The following CACNA1C variants were observed in gnomAD, a reference collection of about 807,000 sequenced individuals.
CACNA1C encodes voltage-dependent L-type calcium channel subunit alpha-1C.
Under a neutral mutation model 229.0 loss-of-function variants are expected in CACNA1C, and 30 were observed. The observed-to-expected ratio is 0.13, with a 90% CI of 0.10 to 0.18. The LOEUF (loss-of-function observed/expected upper bound fraction) is 0.18, where lower values mean the gene tolerates loss of function less well. Ranked by LOEUF, CACNA1C falls within the 10% of genes least tolerant of loss-of-function variation. The probability of loss-of-function intolerance (pLI) is 1.00; values close to 1 mark genes in which losing one functional copy is unlikely to be tolerated. For synonymous variants in CACNA1C, 1,114 were observed against 1,132.5 expected, an observed-to-expected ratio of 0.98 and a Z score of 0.33; for missense variants, 1,658 against 2,845.0, an observed-to-expected ratio of 0.58 and a Z score of 9.49.
chr12:2,326,540 G>T (rs2239047), intron 3 of CACNA1C, among the ~76,000 whole-genome samples: 106,094 of 152,008 alleles, frequency 0.7, 37,245 homozygotes, highest in African/African-American at 0.74. Flanking sequence ...TATCTCATTA[G>T]AGGGGCTGCC....
At position 2,605,708 on chromosome 12, in the gene CACNA1C, C is replaced by T; in HGVS notation, c.3078C>T (p.Ile1026=). ...KHVVQCVFVA[I]RTIGNIVIVT... is the part of the protein sequence containing the mutation. ...TGGTTCAGTGTGTGTTTGTCGCCATCCGGACCATCGGGAACATCGTGATTG... is the reference window on the plus strand; with the variant it reads ...TGGTTCAGTGTGTGTTTGTCGCCATTCGGACCATCGGGAACATCGTGATTG... The change falls in exon 24 of 47, where the codon ATC becomes ATT. Residue 1026 remains isoleucine (I), a synonymous_variant. Transcript: ENST00000399655. The surrounding 1 kb of genome is among the most constrained non-coding windows in gnomAD (Gnocchi z 6.2). The T allele has an allele frequency of 1.2e-6, 2 of 1,613,960 alleles. No individual in the cohort carries two copies. The highest frequency in any genetic ancestry group is 1.7e-6 in the Non-Finnish European group (2 of 1,179,856).
At position 2,581,746 on chromosome 12, in the gene CACNA1C, C is replaced by A. The variant is rs368514859; in HGVS notation, c.2052C>A (p.Thr684=). The change falls in exon 14 of 47, where the codon ACC becomes ACA. Residue 684 remains threonine, a synonymous_variant. Coordinates refer to ENST00000399655, the MANE Select transcript of CACNA1C (RefSeq NM_000719.7). ...AGTTCAACTTTGATGAGATGCAGAC[C>A]CGGAGGAGCACATTCGATAACTTCC... is the stretch of plus-strand genomic sequence containing the variant. ...GGKFNFDEMQ[T]RRSTFDNFPQ... is the part of the protein sequence containing the mutation. The A allele has an allele frequency of 2.5e-6, 4 of 1,613,152 alleles. No homozygotes were observed. The highest frequency in any genetic ancestry group is 3.4e-6 in the Non-Finnish European group (4 of 1,179,556).
At chr12:2,405,625 A>G (rs1161580935) in intron 3 of CACNA1C, among the ~76,000 whole-genome samples, 1 of 152,204 alleles carries the variant, frequency 6.6e-6, no homozygotes, top group Non-Finnish European at 1.5e-5. Context: ...GTATTACATT[A>G]TATATACATA....
chr12:2,268,666 C>T (rs1229546574), intron 3 of CACNA1C, among the ~76,000 whole-genome samples: 2 of 152,044 alleles, frequency 1.3e-5, no homozygotes, highest in Admixed American at 1.3e-4. Context: ...GACCCCTGAG[C>T]CTGGGAGCAT....
intron 13 of CACNA1C, 64 bp downstream of exon 13, chr12:2,567,858 G>T (rs1374471772): frequency 1.9e-6 from 2 of 1,036,896 alleles, no homozygotes; most frequent in Non-Finnish European, 2.9e-6. Flanking sequence ...AGAGGGCAAG[G>T]GAGGTGGCAA....
intron 3 of CACNA1C, among the ~76,000 whole-genome samples, chr12:2,187,919 G>T (rs1407250278): frequency 6.6e-6 from 1 of 152,258 alleles, no homozygotes; most frequent in Non-Finnish European, 1.5e-5. Flanking sequence ...TGAGGGCGAG[G>T]AGGATGCCAG....
chr12:2,632,983 C>T lies in CACNA1C; in HGVS notation c.3829-1314C>T, dbSNP rs2153564919. ...GGCACCCAGTGCAGGAACTAGGGTACCCTGATTTGATCTGCAAGAGTTGCA... is the reference window on the plus strand; with the variant it reads ...GGCACCCAGTGCAGGAACTAGGGTATCCTGATTTGATCTGCAAGAGTTGCA... On this transcript the variant is annotated intron_variant, in intron 29 of 46. Coordinates refer to ENST00000399655, the MANE Select transcript of CACNA1C (RefSeq NM_000719.7). The surrounding 1 kb of genome is among the most constrained non-coding windows in gnomAD (Gnocchi z 4.1). Among the ~76,000 whole-genome samples, 1 of 152,268 alleles carries T rather than the reference C, an allele frequency of 6.6e-6. No homozygotes were observed. Among genetic ancestry groups the T allele is most frequent in the Admixed American group, 6.5e-5 (1 of 15,308 alleles).
At chr12:2,584,961 C>T (rs2061865783) in intron 16 of CACNA1C, among the ~76,000 whole-genome samples, 2 of 152,196 alleles carry the variant, frequency 1.3e-5, no homozygotes, top group African/African-American at 4.8e-5. Flanking sequence ...AGGGAGTCCT[C>T]CTCACTACTT....
chr12:2,189,035 G>A (rs1159704310), intron 3 of CACNA1C, among the ~76,000 whole-genome samples: 1 of 143,386 alleles, frequency 7.0e-6, no homozygotes, highest in Non-Finnish European at 1.5e-5. Flanking sequence ...GGAGCTTGCA[G>A]TGAGCTGAGA....
intron 3 of CACNA1C, among the ~76,000 whole-genome samples, chr12:2,235,466 A>T (rs549367723): frequency 4.2e-4 from 64 of 152,292 alleles, no homozygotes; most frequent in African/African-American, 1.5e-3. Flanking sequence ...TCACCCAGAA[A>T]ATCATGGGTT....
At chr12:2,625,426 G>A (rs1018616391) in intron 29 of CACNA1C, among the ~76,000 whole-genome samples, 3 of 152,158 alleles carry the variant, frequency 2.0e-5, no homozygotes, top group Non-Finnish European at 4.4e-5. Context: ...GTGCGTCGGC[G>A]ATAACCCGAC....
intron 8 of CACNA1C, among the ~76,000 whole-genome samples, chr12:2,510,588 C>T (rs1456605193): frequency 6.6e-6 from 1 of 152,188 alleles, no homozygotes; most frequent in Non-Finnish European, 1.5e-5. Flanking sequence ...TGCTGTAAAA[C>T]AGGATTGGGC....
At chr12:2,547,498 G>A (rs1280834844) in intron 9 of CACNA1C, 1 of 779,730 alleles carries the variant, frequency 1.3e-6, no homozygotes, top group Non-Finnish European at 2.4e-6. Flanking sequence ...AAGTTTGCTT[G>A]GTTTAGTCAC....
chr12:2,688,662 C>G lies in CACNA1C; in HGVS notation c.6000C>G (p.Pro2000=). The change falls in exon 46 of 47, where the codon CCC becomes CCG. Residue 2000 remains proline (P), a synonymous_variant. Coordinates refer to ENST00000399655, the MANE Select transcript of CACNA1C (RefSeq NM_000719.7). ...GCGGCTCCTGGGCTGAGACCACCCC[C>G]GGTGGCGGGGGCAGCAGCGCCGCCC... ...IHCGSWAETT[P]GGGGSSAARR... 1 of 1,613,628 alleles carries G rather than the reference C, an allele frequency of 6.2e-7. No individual in the cohort carries two copies. The highest frequency in any genetic ancestry group is 8.5e-7 in the Non-Finnish European group (1 of 1,179,808).
At chr12:2,607,199 C>A (rs1601885243) in intron 26 of CACNA1C, 69 bp downstream of exon 26, 1 of 1,511,030 alleles carries the variant, frequency 6.6e-7, no homozygotes. Flanking sequence ...CCAGCCCATC[C>A]CCAAGTTTTG....
chr12:2,098,450 G>C (rs727267), intron 1 of CACNA1C, among the ~76,000 whole-genome samples: 87,672 of 152,044 alleles, frequency 0.58, 26,418 homozygotes, highest in Non-Finnish European at 0.66. Context: ...GCTGTGTGTG[G>C]GTACATTTGT....
chr12:2,615,608 C>G (rs1246604682), intron 29 of CACNA1C, among the ~76,000 whole-genome samples: 2 of 152,006 alleles, frequency 1.3e-5, no homozygotes, highest in Non-Finnish European at 2.9e-5. Context: ...ACACGTAAAT[C>G]CTTTACGGCC....
intron 7 of CACNA1C, among the ~76,000 whole-genome samples, chr12:2,500,749 C>A (rs1263011696): frequency 1.3e-5 from 2 of 152,146 alleles, no homozygotes; most frequent in Non-Finnish European, 2.9e-5. Context: ...ACAGAACAGA[C>A]CAGTTGTTTG....
intron 1 of CACNA1C, 85 bp from the exon 2 acceptor site, chr12:2,115,139 A>C: frequency 9.0e-7 from 1 of 1,110,302 alleles, no homozygotes; most frequent in African/African-American, 1.6e-5. Context: ...TTTTGAAAAA[A>C]TTGTGAATCT....
Sources: gnomAD v4.1 joint callset for allele counts (sites outside exome capture counted in the v4.1 genomes callset) on GRCh38, gnomAD v4.1.1 for gene constraint, Gnocchi (gnomAD v3.1) non-coding constraint, MANE v1.5 for transcripts, NCBI Gene and HGNC (gene_info 2026-07-23, HGNC 2026-07-21) for gene names.